The following RFX3 variants were observed in gnomAD, a reference collection of about 807,000 sequenced individuals.
RFX3 encodes regulatory factor X3.
A neutral mutation model predicts 98.6 loss-of-function variants in RFX3; 14 were observed. That is an observed-to-expected ratio of 0.14 (90% CI 0.09 to 0.22). The LOEUF (loss-of-function observed/expected upper bound fraction) is 0.22. Among genes scored for constraint, RFX3 ranks in the 10% least tolerant of loss-of-function variants. The pLI, the probability that RFX3 is intolerant of heterozygous loss-of-function variation, is 1.00. For missense variants in RFX3, 639 were observed against 926.9 expected (o/e 0.69, Z 4.03); for synonymous variants, 383 against 328.4 (o/e 1.17, Z -1.80).
chr9:3,293,004 T>C, intron 6 of RFX3, 73 bp downstream of exon 6: 2 of 1,240,188 alleles, frequency 1.6e-6, no homozygotes, highest in Non-Finnish European at 2.3e-6. Context: ...AGTACTTTTG[T>C]TTAAACAATA....
At chr9:3,493,402 G>A (rs1321539623) in intron 1 of RFX3, among the ~76,000 whole-genome samples, 1 of 151,862 alleles carries the variant, frequency 6.6e-6, no homozygotes, top group East Asian at 1.9e-4. Context: ...AATATACACT[G>A]GGCCAGGCGC....
At chr9:3,373,808 G>T (rs768555110) in intron 2 of RFX3, among the ~76,000 whole-genome samples, 14 of 152,204 alleles carry the variant, frequency 9.2e-5, no homozygotes, top group Non-Finnish European at 1.5e-4. Context: ...GCCAAGCACA[G>T]TGGCTCACGC....
intron 1 of RFX3, among the ~76,000 whole-genome samples, chr9:3,422,780 T>A (rs1367420679): frequency 1.3e-5 from 2 of 152,158 alleles, no homozygotes; most frequent in African/African-American, 4.8e-5. Context: ...CTGCTATATA[T>A]AAGACACTGG....
At chr9:3,502,127 C>T (rs571251887) in intron 1 of RFX3, among the ~76,000 whole-genome samples, 2 of 150,678 alleles carry the variant, frequency 1.3e-5, no homozygotes, top group Non-Finnish European at 3.0e-5. Context: ...GGCGTAGTGG[C>T]GGGCGCCTGT....
intron 13 of RFX3, among the ~76,000 whole-genome samples, chr9:3,259,560 C>A (rs1385234225): frequency 6.6e-6 from 1 of 150,984 alleles, no homozygotes; most frequent in Non-Finnish European, 1.5e-5. Flanking sequence ...AATCAGAATG[C>A]CTTTTAAATA....
chr9:3,363,304 C>T (rs140561491), intron 2 of RFX3, among the ~76,000 whole-genome samples: 4 of 152,084 alleles, frequency 2.6e-5, no homozygotes, highest in African/African-American at 9.7e-5. Context: ...TGCAGCACAT[C>T]AAAATATCTA....
chr9:3,224,896 A>C lies in RFX3; in HGVS notation c.*146T>G. The C allele has an allele frequency of 1.3e-6, 1 of 743,648 alleles. No homozygotes were observed. Among genetic ancestry groups the C allele is most frequent in the South Asian group, 1.8e-5 (1 of 55,022 alleles). The allele number at this position is 743,648 out of a possible 1,614,324, so 46.1% of individuals were successfully genotyped here. On this transcript the variant is annotated 3_prime_UTR_variant, in exon 17 of 17. Coordinates refer to ENST00000617270, the MANE Select transcript of RFX3 (RefSeq NM_001282116.2). ...AAAAAAGATCTGGCAAAATACATAC[A>C]CCCATTCCATTTCACAACTCCAAAA...
At chr9:3,502,766 T>C (rs1057161507) in intron 1 of RFX3, among the ~76,000 whole-genome samples, 1 of 152,172 alleles carries the variant, frequency 6.6e-6, no homozygotes, top group African/African-American at 2.4e-5. Flanking sequence ...AGCAATGGAC[T>C]GGCAATGTGA....
chr9:3,271,714 T>C (rs73642626), intron 9 of RFX3, among the ~76,000 whole-genome samples: 1,811 of 152,188 alleles, frequency 0.012, 13 homozygotes, highest in African/African-American at 0.016. Flanking sequence ...TCACAGCAGG[T>C]GGAAGTGAAG....
chr9:3,252,944 T>C (rs1406659510), intron 14 of RFX3, among the ~76,000 whole-genome samples: 1 of 152,226 alleles, frequency 6.6e-6, no homozygotes, highest in Admixed American at 6.5e-5. Flanking sequence ...TCTCTCTGTG[T>C]CAGGCCTCCG....
Position 3,525,838 on chromosome 9 carries a change from G to A in RFX3, c.-100C>T. The A allele has an allele frequency of 1.0e-6, 1 of 976,148 alleles. No homozygotes were observed. Among genetic ancestry groups the A allele is most frequent in the Non-Finnish European group, 1.2e-6 (1 of 820,834 alleles). 60.5% of individuals were successfully genotyped at this position (976,148 alleles called of 1,614,324 possible). The stretch of plus-strand genomic sequence containing the variant: ...AGGAAGAGGAGGAGGAGGAGGAGAG[G>A]AGTAGTTGTTGTTGATGGGTAACAG... On this transcript the variant is annotated 5_prime_UTR_variant, in exon 1 of 17. Transcript: ENST00000617270.
chr9:3,390,360 G>T (rs1022090194), intron 2 of RFX3, among the ~76,000 whole-genome samples: 3 of 152,152 alleles, frequency 2.0e-5, no homozygotes, highest in African/African-American at 7.2e-5. Context: ...ACAGTTCGGA[G>T]AACTCAGAAG....
At chr9:3,429,733 A>T (rs1844476021) in intron 1 of RFX3, among the ~76,000 whole-genome samples, 1 of 152,172 alleles carries the variant, frequency 6.6e-6, no homozygotes, top group Non-Finnish European at 1.5e-5. Context: ...GTAGCTACAC[A>T]TCTCCATGCC....
intron 14 of RFX3, 120 bp from the exon 15 acceptor site, chr9:3,248,305 A>C (rs904744222): frequency 2.7e-5 from 34 of 1,256,414 alleles, no homozygotes; most frequent in Non-Finnish European, 1.1e-6. Context: ...ATAGTATAAA[A>C]CCTGCCATGA....
At chr9:3,227,321 GT>G (rs1300670068) in intron 16 of RFX3, among the ~76,000 whole-genome samples, 1 of 152,168 alleles carries the variant, frequency 6.6e-6, no homozygotes, top group African/African-American at 2.4e-5. Flanking sequence ...TTCCAGGTAG[GT>G]TTTGCTTAGG....
intron 6 of RFX3, 67 bp from the exon 7 acceptor site, chr9:3,288,317 T>C (rs1419189726): frequency 2.1e-6 from 3 of 1,458,310 alleles, no homozygotes; most frequent in African/African-American, 1.4e-5. Flanking sequence ...ACATGGGATG[T>C]CCATTAAACT....
chr9:3,467,378 T>C (rs1210661362), intron 1 of RFX3, among the ~76,000 whole-genome samples: 1 of 150,288 alleles, frequency 6.7e-6, no homozygotes, highest in Non-Finnish European at 1.5e-5. Flanking sequence ...AGGCTTTCTT[T>C]CAAGGCATCA....
rs1296098546 is a variant in RFX3, at chr9:3,223,831, G to A, written c.*1211C>T. 1 of 152,126 alleles carries A rather than the reference G, an allele frequency of 6.6e-6. No homozygotes were observed. Among genetic ancestry groups the A allele is most frequent in the Admixed American group, 6.6e-5 (1 of 15,254 alleles). The allele number at this position is 152,126 out of a possible 1,614,324, so 9.4% of individuals were successfully genotyped here. Reference sequence around the variant, plus strand: ...TGTTTTAAGGCACCATGTAATAGCCGAGGTACGATGATCCCTGATGTACAT... The same window carrying A: ...TGTTTTAAGGCACCATGTAATAGCCAAGGTACGATGATCCCTGATGTACAT... On this transcript the variant is annotated 3_prime_UTR_variant, in exon 17 of 17. Coordinates refer to ENST00000617270, the MANE Select transcript of RFX3 (RefSeq NM_001282116.2).
rs76634345 is a variant in RFX3, at chr9:3,282,042, T to A, written c.852-4581A>T. Among the ~76,000 whole-genome samples, 3 of 151,760 alleles carry A rather than the reference T, an allele frequency of 2.0e-5. No individual in the cohort carries two copies. The East Asian group carries it at 5.8e-4, about 29-fold the overall frequency. ...TCATTATGTTTTGTAATTCCAGAAA[T>A]TACACAATCATTTTATTTGCATGAA... On this transcript the variant is annotated intron_variant, in intron 7 of 16. Transcript: ENST00000617270.
Sources: gnomAD v4.1 joint callset for allele counts (sites outside exome capture counted in the v4.1 genomes callset) on GRCh38, gnomAD v4.1.1 for gene constraint, MANE v1.5 for transcripts, NCBI Gene and HGNC (gene_info 2026-07-23, HGNC 2026-07-21) for gene names.